RIN2: variants seen among roughly 807,000 people sequenced by gnomAD.
The protein encoded by RIN2 is Ras and Rab interactor 2, also known as RAB5 interacting protein 2.
RIN2 carries 36 observed loss-of-function variants against 78.0 expected under a neutral mutation model. That is an observed-to-expected ratio of 0.46 (90% CI 0.35 to 0.61). The LOEUF is 0.61. Ranked by LOEUF, RIN2 falls within the 20% of genes least tolerant of loss-of-function variation. RIN2 has a pLI of 0.00. For synonymous variants in RIN2, 466 were observed against 466.8 expected, an observed-to-expected ratio of 1.00 and a Z score of 0.02; for missense variants, 1,087 against 1,159.7, an observed-to-expected ratio of 0.94 and a Z score of 0.91.
At chr20:19,893,885 C>T (rs1041878535) in intron 3 of RIN2, among the ~76,000 whole-genome samples, 1 of 152,078 alleles carries the variant, frequency 6.6e-6, no homozygotes, top group Admixed American at 6.6e-5. Flanking sequence ...CCAGCCTGGC[C>T]AACATGGTGA....
chr20:19,882,787 G>A (rs6081792), intron 2 of RIN2, among the ~76,000 whole-genome samples: 24,106 of 151,998 alleles, frequency 0.16, 2,364 homozygotes, highest in Middle Eastern at 0.34. Flanking sequence ...ATGTATACAC[G>A]GGTTTTTTTC....
intron 3 of RIN2, 95 bp from the exon 4 acceptor site, chr20:19,935,004 C>A: frequency 2.4e-6 from 2 of 820,838 alleles, no homozygotes; most frequent in Non-Finnish European, 4.1e-6. Flanking sequence ...AGATGGTCAT[C>A]TCTGTTCCTA....
intron 2 of RIN2, chr20:19,823,821 C>A (rs929238986): frequency 6.2e-7 from 1 of 1,605,094 alleles, no homozygotes; most frequent in Non-Finnish European, 8.5e-7. Flanking sequence ...CATCACCAAC[C>A]TTTTTTGGAG....
intron 1 of RIN2, among the ~76,000 whole-genome samples, chr20:19,759,724 G>A (rs2033555049): frequency 6.6e-6 from 1 of 152,148 alleles, no homozygotes; most frequent in Non-Finnish European, 1.5e-5. Context: ...AATTAGCTGG[G>A]CCTGAAGGCA....
chr20:19,894,460 C>T (rs1289418727), intron 3 of RIN2, among the ~76,000 whole-genome samples: 1 of 152,104 alleles, frequency 6.6e-6, no homozygotes, highest in Non-Finnish European at 1.5e-5. Context: ...CTGTGTTGTC[C>T]AGGCTGGCCT....
chr20:19,898,528 A>G (rs972838766), intron 3 of RIN2, among the ~76,000 whole-genome samples: 1 of 152,250 alleles, frequency 6.6e-6, no homozygotes, highest in Non-Finnish European at 1.5e-5. Context: ...GGTTCAAAAA[A>G]TGCTTTGACA....
At chr20:19,955,180 A>C (rs1165912063) in intron 4 of RIN2, among the ~76,000 whole-genome samples, 22 of 152,022 alleles carry the variant, frequency 1.4e-4, no homozygotes, top group Admixed American at 9.2e-4. Context: ...CTTGTTCTGG[A>C]TATTTCATGT....
chr20:19,975,755 C>A lies in RIN2; in HGVS notation c.1730C>A (p.Pro577His). The A allele has an allele frequency of 2.5e-6, 4 of 1,612,140 alleles. No homozygotes were observed. The highest frequency in any genetic ancestry group is 3.4e-6 in the Non-Finnish European group (4 of 1,179,252). ...YLSQSSELDP[P>H]IESLIPEDQI... ...TCTCAGAGCTCGGAGCTGGACCCCC[C>A]CATCGAGTCGCTGATCCCTGAAGAC... is the stretch of plus-strand genomic sequence containing the variant. Residue 577 changes from proline (P) to histidine (H), a missense_variant, in exon 9 of 13, where the codon CCC becomes CAC. Coordinates refer to ENST00000255006, the MANE Select transcript of RIN2 (RefSeq NM_018993.4). This position sits in a 1 kb window ranked among gnomAD's most constrained non-coding sequence, Gnocchi z 4.9.
At chr20:19,946,713 C>CAAAA (rs74180972) in intron 4 of RIN2, among the ~76,000 whole-genome samples, 2 of 78,012 alleles carry the variant, frequency 2.6e-5, no homozygotes, top group Admixed American at 1.5e-4. Context: ...GATTCTATCT[C>CAAAA]AAAAAAAAAA....
At chr20:19,993,376 G>A (rs183832374) in intron 11 of RIN2, among the ~76,000 whole-genome samples, 25 of 152,134 alleles carry the variant, frequency 1.6e-4, no homozygotes, top group African/African-American at 6.0e-4. Context: ...TCCCTGGAGG[G>A]AATGAAATGC....
At chr20:19,865,908 C>T (rs2037491444) in intron 2 of RIN2, among the ~76,000 whole-genome samples, 1 of 152,032 alleles carries the variant, frequency 6.6e-6, no homozygotes, top group South Asian at 2.1e-4. Flanking sequence ...TTTTTGGCAC[C>T]AGGGACCAGT....
At chr20:19,821,893 C>T (rs1600536294) in intron 2 of RIN2, among the ~76,000 whole-genome samples, 1 of 152,244 alleles carries the variant, frequency 6.6e-6, no homozygotes, top group African/African-American at 2.4e-5. Flanking sequence ...ACATTGACTG[C>T]CTGGGACATT....
chr20:19,789,359 G>A (rs148158374), intron 1 of RIN2, among the ~76,000 whole-genome samples: 82 of 152,278 alleles, frequency 5.4e-4, no homozygotes, highest in African/African-American at 1.6e-3. Context: ...TGGGATATGC[G>A]AAGATTTTTT....
chr20:19,921,554 C>A (rs1288693843), intron 3 of RIN2, among the ~76,000 whole-genome samples: 1 of 152,176 alleles, frequency 6.6e-6, no homozygotes, highest in East Asian at 1.9e-4. Flanking sequence ...TGCAGTGAAC[C>A]AAAGGACAGC....
At chr20:19,844,812 G>A (rs2036730974) in intron 2 of RIN2, among the ~76,000 whole-genome samples, 1 of 151,636 alleles carries the variant, frequency 6.6e-6, no homozygotes, top group African/African-American at 2.4e-5. Context: ...GTATACACGT[G>A]CCATGATGGT....
intron 3 of RIN2, among the ~76,000 whole-genome samples, chr20:19,892,714 G>C (rs533627609): frequency 6.6e-6 from 1 of 152,296 alleles, no homozygotes; most frequent in South Asian, 2.1e-4. Context: ...ATTCTTTGCT[G>C]TAACAATTAT....
At chr20:19,796,756 C>G (rs2035068172) in intron 1 of RIN2, among the ~76,000 whole-genome samples, 1 of 152,134 alleles carries the variant, frequency 6.6e-6, no homozygotes, top group South Asian at 2.1e-4. Context: ...AGGTGTGCAG[C>G]CAGGTTGGAG....
intron 3 of RIN2, among the ~76,000 whole-genome samples, chr20:19,924,190 C>T (rs2040066659): frequency 1.9e-5 from 1 of 53,866 alleles, no homozygotes; most frequent in Non-Finnish European, 3.1e-5. Context: ...CACCTTCATA[C>T]CCCACCTTCA....
intron 2 of RIN2, among the ~76,000 whole-genome samples, chr20:19,830,402 T>C (rs985124621): frequency 1.4e-4 from 21 of 152,348 alleles, no homozygotes; most frequent in Middle Eastern, 6.8e-3. Context: ...TTGTGCAGTT[T>C]GGTGAAGACC....
Sources: allele counts gnomAD v4.1 joint callset (sites outside exome capture counted in the v4.1 genomes callset), GRCh38; gene constraint gnomAD v4.1.1; non-coding constraint Gnocchi (gnomAD v3.1); transcripts MANE v1.5; gene names NCBI Gene and HGNC (gene_info 2026-07-23, HGNC 2026-07-21).